RBP2: variants seen among roughly 807,000 people sequenced by gnomAD.
RBP2 encodes retinol-binding protein 2.
A neutral mutation model predicts 17.0 loss-of-function variants in RBP2; 17 were observed. That is an observed-to-expected ratio of 1.00 (90% CI 0.68 to 1.50). The LOEUF (loss-of-function observed/expected upper bound fraction) is 1.50. RBP2 is among the 40% of genes most tolerant of loss of function. The pLI, the probability that RBP2 is intolerant of heterozygous loss-of-function variation, is 0.00. For missense variants in RBP2, 158 were observed against 168.2 expected (o/e 0.94, Z 0.33); for synonymous variants, 48 against 57.1 (o/e 0.84, Z 0.72).
chr3:139,457,284 G>A (rs571283181), intron 2 of RBP2, among the ~76,000 whole-genome samples: 11 of 152,298 alleles, frequency 7.2e-5, no homozygotes, highest in African/African-American at 2.4e-4. Context: ...GTGCACACAC[G>A]TACATCAATA....
At chr3:139,462,077 ATG>A (rs3046576) in intron 2 of RBP2, 33 bp downstream of exon 2, 256,799 of 1,598,656 alleles carry the variant, frequency 0.16, 29,224 homozygotes, top group African/African-American at 0.59. Context: ...CTGGCACAGA[ATG>A]TGTGAATGAA....
At chr3:139,474,455 A>G (rs1933662204) in intron 1 of RBP2, among the ~76,000 whole-genome samples, 1 of 152,248 alleles carries the variant, frequency 6.6e-6, no homozygotes, top group East Asian at 1.9e-4. Flanking sequence ...TTTTAAATCT[A>G]AGTCATCATA....
intron 1 of RBP2, among the ~76,000 whole-genome samples, chr3:139,469,700 T>G (rs1356108324): frequency 6.8e-6 from 1 of 146,220 alleles, no homozygotes; most frequent in Non-Finnish European, 1.5e-5. Context: ...TATCTATCTA[T>G]CTATCTATCT....
At position 139,462,098 on chromosome 3, in the gene RBP2, G is replaced by T. The variant is rs1559805710; in HGVS notation, c.252+14C>A. The T allele has an allele frequency of 6.2e-7, 1 of 1,611,042 alleles. No individual in the cohort carries two copies. Among genetic ancestry groups the T allele is most frequent in the Non-Finnish European group, 8.5e-7 (1 of 1,177,692 alleles). ...CAGAATGTGTGAATGAAAAACACCA[G>T]CCCCGGTCAGTACCTTAACATGCCG... On this transcript the variant is annotated intron_variant, in intron 2 of 3. Transcript: ENST00000232217.
At chr3:139,465,845 C>T (rs914290024) in intron 1 of RBP2, among the ~76,000 whole-genome samples, 2 of 152,282 alleles carry the variant, frequency 1.3e-5, no homozygotes, top group African/African-American at 4.8e-5. Context: ...CAGCTCATTT[C>T]GCTTCACCTC....
chr3:139,460,959 C>T (rs1442369871), intron 2 of RBP2, among the ~76,000 whole-genome samples: 1 of 151,972 alleles, frequency 6.6e-6, no homozygotes, highest in East Asian at 1.9e-4. Flanking sequence ...TGAAAAATGA[C>T]AAGCCGGGAA....
chr3:139,457,436 A>C (rs954927570), intron 2 of RBP2, among the ~76,000 whole-genome samples: 1 of 152,206 alleles, frequency 6.6e-6, no homozygotes, highest in East Asian at 1.9e-4. Context: ...ATTTTATGGA[A>C]GGAAGGAAGA....
rs116020306 is a variant in RBP2 at position 139,459,063 on chromosome 3, C to A, written c.252+3049G>T. Among the ~76,000 whole-genome samples, 676 of 152,212 alleles carry A rather than the reference C, an allele frequency of 4.4e-3. 7 individuals are homozygous for A. The highest frequency in any genetic ancestry group is 0.016 in the African/African-American group (658 of 41,498). ...GCATAGAACTGGGCACTACAGGGCA[C>A]AACATGCACCTCTCCTCCACACTGC... is the stretch of plus-strand genomic sequence containing the variant. On this transcript the variant is annotated intron_variant, in intron 2 of 3. Coordinates refer to ENST00000232217, the MANE Select transcript of RBP2 (RefSeq NM_004164.3).
intron 2 of RBP2, among the ~76,000 whole-genome samples, chr3:139,459,990 G>T (rs1011577858): frequency 2.6e-5 from 4 of 152,162 alleles, no homozygotes; most frequent in African/African-American, 9.6e-5. Context: ...AGAAAGGTAG[G>T]AGTGTGTTAA....
Position 139,453,117 on chromosome 3 carries a change from C to T in RBP2, c.404G>A (p.Ter135=), listed in dbSNP as rs1165855523. The T allele has an allele frequency of 6.2e-7, 1 of 1,614,162 alleles. No homozygotes were observed. Residue 135 remains the stop codon, a stop_retained_variant, in exon 4 of 4, where the codon TGA becomes TAA. Coordinates refer to ENST00000232217, the MANE Select transcript of RBP2 (RefSeq NM_004164.3). The part of the protein sequence containing the change: ...QVCRQVFKKK[*] ...CTTGGCAGGCCTCCCACGTCGCCAT[C>T]ATTTCTTTTTGAACACTTGACGGCA... is the stretch of plus-strand genomic sequence containing the variant.
intron 2 of RBP2, among the ~76,000 whole-genome samples, chr3:139,459,241 C>T (rs1179991136): frequency 2.0e-5 from 3 of 152,064 alleles, no homozygotes; most frequent in African/African-American, 4.8e-5. Context: ...TCAGGCATGC[C>T]ACCAAGTGTG....
intron 1 of RBP2, among the ~76,000 whole-genome samples, chr3:139,472,556 G>C (rs370040151): frequency 1.3e-5 from 2 of 152,166 alleles, no homozygotes; most frequent in Admixed American, 1.3e-4. Flanking sequence ...CACATGGGGA[G>C]ACCACATGTA....
In RBP2 at chr3:139,453,256, T is replaced by C. The variant is rs968947788; in HGVS notation, c.355-90A>G. 10 of 1,471,988 alleles carry C rather than the reference T, an allele frequency of 6.8e-6. No individual in the cohort carries two copies. The African/African-American group carries it at 1.4e-4, about 20-fold the overall frequency. The allele number at this position is 1,471,988 out of a possible 1,614,324, so 91.2% of individuals were successfully genotyped here. ...CCCCTTGGTATCTGGGGGTGGGAGG[T>C]TGGAATAAAGAGGACACTTAGGTAT... On this transcript the variant is annotated intron_variant, in intron 3 of 3. Coordinates refer to ENST00000232217, the MANE Select transcript of RBP2 (RefSeq NM_004164.3).
intron 2 of RBP2, among the ~76,000 whole-genome samples, chr3:139,461,538 A>ATT (rs10709555): frequency 6.7e-6 from 1 of 150,072 alleles, no homozygotes; most frequent in Non-Finnish European, 1.5e-5. Context: ...TAACCTACTG[A>ATT]TTTTTTTTTT....
At chr3:139,475,818 C>A (rs79992192) in intron 1 of RBP2, among the ~76,000 whole-genome samples, 8 of 152,300 alleles carry the variant, frequency 5.3e-5, no homozygotes, top group African/African-American at 1.9e-4. Flanking sequence ...TCAGGACATG[C>A]ACCAATTGGT....
intron 1 of RBP2, among the ~76,000 whole-genome samples, chr3:139,469,703 A>ATCTATCTATCTG (rs1933491125): frequency 6.8e-6 from 1 of 146,756 alleles, no homozygotes; most frequent in Non-Finnish European, 1.5e-5. Flanking sequence ...CTATCTATCT[A>ATCTATCTATCTG]TCTATCTATC....
At chr3:139,459,853 T>TGTGC (rs1218059700) in intron 2 of RBP2, among the ~76,000 whole-genome samples, 1 of 151,858 alleles carries the variant, frequency 6.6e-6, no homozygotes, top group African/African-American at 2.4e-5. Context: ...TGTGTGTGTG[T>TGTGC]GTGCATTCAC....
intron 3 of RBP2, 143 bp downstream of exon 3, chr3:139,454,586 T>G (rs148901510): frequency 2.9e-6 from 2 of 692,732 alleles, no homozygotes; most frequent in Non-Finnish European, 5.1e-6. Context: ...GGGAATGGCT[T>G]TCTGACTATA....
chr3:139,464,505 A>C (rs1933296785), intron 1 of RBP2, among the ~76,000 whole-genome samples: 1 of 152,112 alleles, frequency 6.6e-6, no homozygotes, highest in Admixed American at 6.5e-5. Context: ...CCCAAAATCA[A>C]GGAGAGGCCG....
Sources: allele counts gnomAD v4.1 joint callset (sites outside exome capture counted in the v4.1 genomes callset), GRCh38; gene constraint gnomAD v4.1.1; transcripts MANE v1.5; gene names NCBI Gene and HGNC (gene_info 2026-07-23, HGNC 2026-07-21).